Variants in KIAA1217 observed in about 807,000 individuals in gnomAD.
KIAA1217 encodes sickle tail protein homolog.
A neutral mutation model predicts 163.9 loss-of-function variants in KIAA1217; 88 were observed. That is an observed-to-expected ratio of 0.54 (90% CI 0.45 to 0.64). KIAA1217 has a LOEUF of 0.64. KIAA1217 is among the 30% of genes least tolerant of loss of function. The pLI is 0.00. For missense variants in KIAA1217, 2,372 were observed against 2,475.0 expected, an observed-to-expected ratio of 0.96 and a Z score of 0.88; for synonymous variants, 903 against 923.1, an observed-to-expected ratio of 0.98 and a Z score of 0.39.
At chr10:24,359,100 G>GT (rs1374564810) in intron 2 of KIAA1217, among the ~76,000 whole-genome samples, 6 of 55,826 alleles carry the variant, frequency 1.1e-4, no homozygotes, top group Non-Finnish European at 1.7e-4. Flanking sequence ...TTTTTTTTTT[G>GT]TTTTTTTGAG....
chr10:23,873,317 T>C (rs1360185677), intron 1 of KIAA1217, among the ~76,000 whole-genome samples: 2 of 152,074 alleles, frequency 1.3e-5, no homozygotes, highest in African/African-American at 4.8e-5. Flanking sequence ...ATATTATCAT[T>C]AATATTCTTT....
intron 2 of KIAA1217, among the ~76,000 whole-genome samples, chr10:24,328,268 A>G (rs2045204951): frequency 6.6e-6 from 1 of 152,178 alleles, no homozygotes; most frequent in South Asian, 2.1e-4. Context: ...TATGTGTGAG[A>G]AAACAGGAAT....
chr10:24,482,656 A>G (rs1234080773), intron 6 of KIAA1217: 5 of 152,202 alleles, frequency 3.3e-5, no homozygotes, highest in Non-Finnish European at 7.3e-5. Context: ...TTTTTCATGA[A>G]TGAAGTGATT....
At chr10:24,540,872 G>A (rs945520705) in intron 17 of KIAA1217, among the ~76,000 whole-genome samples, 3 of 152,120 alleles carry the variant, frequency 2.0e-5, no homozygotes, top group South Asian at 4.2e-4. Flanking sequence ...AGGTTCAAGC[G>A]ATTCTCCTGC....
chr10:23,792,490 T>A (rs1836000657), intron 1 of KIAA1217, among the ~76,000 whole-genome samples: 1 of 151,448 alleles, frequency 6.6e-6, no homozygotes, highest in African/African-American at 2.4e-5. Context: ...TTTATTTATT[T>A]ATTATTATTA....
At chr10:24,234,157 T>C (rs934224896) in intron 2 of KIAA1217, among the ~76,000 whole-genome samples, 1 of 152,172 alleles carries the variant, frequency 6.6e-6, no homozygotes, top group African/African-American at 2.4e-5. Flanking sequence ...TCTGAAACTT[T>C]TTGAGCACCA....
intron 2 of KIAA1217, among the ~76,000 whole-genome samples, chr10:24,285,477 C>T (rs915323830): frequency 6.6e-6 from 1 of 152,056 alleles, no homozygotes. Flanking sequence ...GAGTCCTTTC[C>T]CCATGGCTTA....
In KIAA1217 at chr10:24,473,308, G is replaced by A. The variant is rs368045521; in HGVS notation, c.927G>A (p.Ala309=). The change falls in exon 6 of 21, where the codon GCG becomes GCA. Residue 309 remains alanine, a synonymous_variant. Transcript: ENST00000376454. ...RPGSTAHPPH[A]IPNSPPSTPV... is the part of the protein sequence containing the mutation. The stretch of plus-strand genomic sequence containing the variant: ...GATCTACTGCTCATCCACCCCATGC[G>A]ATTCCAAATTCCCCACCGTCTACTC... 103 of 1,556,480 alleles carry A rather than the reference G, an allele frequency of 6.6e-5. No individual in the cohort carries two copies. The East Asian group carries it at 1.4e-3, about 21-fold the overall frequency.
At chr10:24,273,728 T>C (rs2076990218) in intron 2 of KIAA1217, among the ~76,000 whole-genome samples, 2 of 151,658 alleles carry the variant, frequency 1.3e-5, no homozygotes, top group South Asian at 4.2e-4. Flanking sequence ...GGCACATGCC[T>C]GTAATCACAG....
chr10:23,903,131 G>A (rs959881201), intron 1 of KIAA1217, among the ~76,000 whole-genome samples: 18 of 152,004 alleles, frequency 1.2e-4, no homozygotes, highest in African/African-American at 4.3e-4. Context: ...TACTGGAAAT[G>A]GGAATGAAGA....
chr10:23,927,986 G>C (rs570445362), intron 1 of KIAA1217, among the ~76,000 whole-genome samples: 1 of 152,348 alleles, frequency 6.6e-6, no homozygotes, highest in African/African-American at 2.4e-5. Flanking sequence ...GCCAGATGCA[G>C]TAACTCGTCC....
intron 2 of KIAA1217, among the ~76,000 whole-genome samples, chr10:24,220,611 T>C (rs2069475243): frequency 6.6e-6 from 1 of 151,810 alleles, no homozygotes; most frequent in Non-Finnish European, 1.5e-5. Context: ...CTGGCCACCA[T>C]GCCCGGCTAA....
At chr10:24,028,961 A>T (rs1162823518) in intron 2 of KIAA1217, among the ~76,000 whole-genome samples, 1 of 152,194 alleles carries the variant, frequency 6.6e-6, no homozygotes, top group East Asian at 1.9e-4. Flanking sequence ...GCAGGCTTTC[A>T]ATGGGTTAGA....
At chr10:24,303,139 T>C (rs540902442) in intron 2 of KIAA1217, among the ~76,000 whole-genome samples, 1 of 152,216 alleles carries the variant, frequency 6.6e-6, no homozygotes, top group Non-Finnish European at 1.5e-5. Flanking sequence ...TCAGCCTTCC[T>C]AGTAGCTGGG....
At chr10:23,778,398 C>A (rs1301134268) in intron 1 of KIAA1217, among the ~76,000 whole-genome samples, 1 of 152,168 alleles carries the variant, frequency 6.6e-6, no homozygotes, top group Non-Finnish European at 1.5e-5. Flanking sequence ...GACATATGCC[C>A]ATGATCCAGC....
intron 14 of KIAA1217, 93 bp downstream of exon 14, chr10:24,528,212 C>G (rs897270105): frequency 1.0e-6 from 1 of 972,184 alleles, no homozygotes; most frequent in Admixed American, 2.7e-5. Flanking sequence ...ATCAACAGAA[C>G]CAATGTCTCA....
chr10:23,898,744 C>G (rs1841822706), intron 1 of KIAA1217, among the ~76,000 whole-genome samples: 1 of 152,036 alleles, frequency 6.6e-6, no homozygotes, highest in African/African-American at 2.4e-5. Flanking sequence ...ATTTTCCCCT[C>G]CACCCCAACT....
At chr10:24,491,439 G>A (rs1365827646) in intron 6 of KIAA1217, among the ~76,000 whole-genome samples, 1 of 151,786 alleles carries the variant, frequency 6.6e-6, no homozygotes, top group Non-Finnish European at 1.5e-5. Flanking sequence ...ACAGTCATGT[G>A]CCACCACACC....
intron 3 of KIAA1217, among the ~76,000 whole-genome samples, chr10:24,414,202 G>C (rs892899426): frequency 3.3e-5 from 5 of 152,136 alleles, no homozygotes; most frequent in African/African-American, 1.2e-4. Flanking sequence ...GTTCCTCCTT[G>C]CATAAGTATG....
Sources: allele counts gnomAD v4.1 joint callset (sites outside exome capture counted in the v4.1 genomes callset), GRCh38; gene constraint gnomAD v4.1.1; transcripts MANE v1.5; gene names NCBI Gene and HGNC (gene_info 2026-07-23, HGNC 2026-07-21).